The following GLRA2 variants were observed in gnomAD, a reference collection of about 807,000 sequenced individuals.
GLRA2 encodes the protein glycine receptor alpha 2.
Under a neutral mutation model 31.6 loss-of-function variants are expected in GLRA2, and 11 were observed. That is an observed-to-expected ratio of 0.35 (90% CI 0.22 to 0.58). GLRA2 has a LOEUF of 0.58. GLRA2 is among the 20% of genes least tolerant of loss of function. GLRA2 has a pLI of 0.84. For missense variants in GLRA2, 212 were observed against 351.8 expected (o/e 0.60, Z 3.18); for synonymous variants, 132 against 134.0 (o/e 0.99, Z 0.10).
At chrX:14,454,715 C>T in the GLRA2 span, among the ~76,000 whole-genome samples, 1 of 111,393 alleles carries the variant, frequency 9.0e-6, no homozygotes, top group Non-Finnish European at 1.9e-5. Context: ...CTTCACTAGG[C>T]TAAGTAAACA....
intron 8 of GLRA2, among the ~76,000 whole-genome samples, chrX:14,706,548 T>C (rs964966224): frequency 1.8e-5 from 2 of 112,320 alleles, no homozygotes; most frequent in African/African-American, 6.5e-5. Context: ...TATAGAGTAA[T>C]TTAACCCTAT....
At chrX:14,454,204 A>C in the GLRA2 span, among the ~76,000 whole-genome samples, 460 of 109,609 alleles carry the variant, frequency 4.2e-3, 6 homozygotes, top group Non-Finnish European at 5.1e-3. Flanking sequence ...ACACACACAC[A>C]CACACACACA....
At chrX:14,464,500 G>A in the GLRA2 span, among the ~76,000 whole-genome samples, 2 of 111,009 alleles carry the variant, frequency 1.8e-5, no homozygotes, top group Admixed American at 1.9e-4. Context: ...TAGATAGATG[G>A]ATGAATTTCA....
chrX:14,560,557 C>A (rs1187142951), intron 2 of GLRA2, among the ~76,000 whole-genome samples: 5 of 111,032 alleles, frequency 4.5e-5, no homozygotes, highest in African/African-American at 1.3e-4. Context: ...TGCCTATAAT[C>A]CCAGCACTTC....
At chrX:14,567,662 G>C (rs2089825066) in intron 2 of GLRA2, among the ~76,000 whole-genome samples, 1 of 111,772 alleles carries the variant, frequency 8.9e-6, no homozygotes, top group Non-Finnish European at 1.9e-5. Context: ...TAAATGAAAG[G>C]CATCCAAACT....
chrX:14,645,543 C>T (rs748770489), intron 7 of GLRA2, among the ~76,000 whole-genome samples: 2 of 111,646 alleles, frequency 1.8e-5, no homozygotes, highest in East Asian at 2.8e-4. Context: ...CCCAAATATA[C>T]GTGCAAATGG....
At chrX:14,660,532 A>G (rs1292916109) in intron 7 of GLRA2, among the ~76,000 whole-genome samples, 2 of 111,899 alleles carry the variant, frequency 1.8e-5, no homozygotes, top group Non-Finnish European at 3.8e-5. Context: ...CTTAGGTTTT[A>G]AAAAGGATAC....
intron 7 of GLRA2, among the ~76,000 whole-genome samples, chrX:14,640,855 C>A (rs1452388935): frequency 9.0e-6 from 1 of 110,780 alleles, no homozygotes; most frequent in Non-Finnish European, 1.9e-5. Flanking sequence ...TGGACATATG[C>A]ACACGTTTAT....
At chrX:14,509,020 C>T in the GLRA2 span, among the ~76,000 whole-genome samples, 1 of 111,837 alleles carries the variant, frequency 8.9e-6, no homozygotes, top group Non-Finnish European at 1.9e-5. Context: ...TTACCCCTCA[C>T]TTCTCTCACT....
intron 8 of GLRA2, among the ~76,000 whole-genome samples, chrX:14,695,803 GA>G (rs2091436617): frequency 9.0e-6 from 1 of 111,579 alleles, no homozygotes; most frequent in African/African-American, 3.3e-5. Flanking sequence ...GAGTATGGTG[GA>G]AAAAAGAAAC....
At chrX:14,702,220 G>T (rs1460151853) in intron 8 of GLRA2, among the ~76,000 whole-genome samples, 1 of 111,928 alleles carries the variant, frequency 8.9e-6, no homozygotes, top group Non-Finnish European at 1.9e-5. Flanking sequence ...GAAGACTTCA[G>T]TTGCTCTTGA....
intron 4 of GLRA2, among the ~76,000 whole-genome samples, chrX:14,595,352 G>A (rs1006575971): frequency 2.7e-5 from 3 of 111,532 alleles, no homozygotes; most frequent in Non-Finnish European, 5.6e-5. Flanking sequence ...AGGATATATT[G>A]GGACCTTTGT....
At chrX:14,691,862 T>G (rs1217162698) in intron 8 of GLRA2, among the ~76,000 whole-genome samples, 1 of 112,308 alleles carries the variant, frequency 8.9e-6, no homozygotes, top group Non-Finnish European at 1.9e-5. Flanking sequence ...ACATTTTATG[T>G]ACAGTAGAGA....
the GLRA2 span, among the ~76,000 whole-genome samples, chrX:14,501,648 C>T: frequency 8.9e-6 from 1 of 111,999 alleles, no homozygotes. Flanking sequence ...CAGCATACTG[C>T]TCTCCCTCTG....
chrX:14,492,329 C>T, the GLRA2 span, among the ~76,000 whole-genome samples: 1 of 110,944 alleles, frequency 9.0e-6, no homozygotes, highest in Non-Finnish European at 1.9e-5. Context: ...TCTCCTCATG[C>T]TCAGTCTCTG....
the GLRA2 span, among the ~76,000 whole-genome samples, chrX:14,450,704 A>C: frequency 3.6e-5 from 4 of 111,208 alleles, no homozygotes. Context: ...CTATTTTAGC[A>C]TTCTGTTTTG....
At chrX:14,688,074 C>A (rs1486558384) in intron 7 of GLRA2, among the ~76,000 whole-genome samples, 1 of 112,025 alleles carries the variant, frequency 8.9e-6, no homozygotes, top group Non-Finnish European at 1.9e-5. Flanking sequence ...CACTCCAGAT[C>A]CTGTTTGCCT....
intron 4 of GLRA2, among the ~76,000 whole-genome samples, chrX:14,595,261 C>T (rs2214277): frequency 5.0e-4 from 56 of 111,900 alleles, no homozygotes; most frequent in Admixed American, 1.2e-3. Flanking sequence ...AGCTTTGCAT[C>T]TTAATAGTCA....
chrX:14,684,857 A>C (rs1185923812), intron 7 of GLRA2, among the ~76,000 whole-genome samples: 6 of 111,008 alleles, frequency 5.4e-5, no homozygotes, highest in Non-Finnish European at 1.1e-4. Flanking sequence ...ACTATGTTGA[A>C]TAGGAGTGGT....
Sources: allele counts gnomAD v4.1 joint callset (sites outside exome capture counted in the v4.1 genomes callset), GRCh38; gene constraint gnomAD v4.1.1; transcripts MANE v1.5; gene names NCBI Gene and HGNC (gene_info 2026-07-23, HGNC 2026-07-21).